MYRF: variants seen among roughly 807,000 people sequenced by gnomAD.
The protein encoded by MYRF is myelin regulatory factor, also known as myelin gene regulatory factor.
Under a neutral mutation model 126.3 loss-of-function variants are expected in MYRF, and 16 were observed. That is an observed-to-expected ratio of 0.13 (90% confidence interval 0.09 to 0.19). The LOEUF (loss-of-function observed/expected upper bound fraction) is 0.19, where lower values mean the gene tolerates loss of function less well. Ranked by LOEUF, MYRF falls within the 10% of genes least tolerant of loss-of-function variation. The pLI, the probability that MYRF is intolerant of heterozygous loss-of-function variation, is 1.00. For synonymous variants in MYRF, 608 were observed against 635.3 expected, an observed-to-expected ratio of 0.96 and a Z score of 0.65; for missense variants, 1,104 against 1,547.0, an observed-to-expected ratio of 0.71 and a Z score of 4.80.
Position 61,786,296 on chromosome 11 carries a change from C to T in MYRF, c.*153C>T, listed in dbSNP as rs912143186. On this transcript the variant is annotated 3_prime_UTR_variant, in exon 27 of 27. Transcript: ENST00000278836. This position sits in a 1 kb window ranked among gnomAD's most constrained non-coding sequence, Gnocchi z 4.5. ...ACTGGTGAAACTGGAAGTCTTCACA[C>T]TGGAGTTGCTGTTCCAGCTGGTCGC... is the stretch of plus-strand genomic sequence containing the variant. 4.1e-6 allele frequency: 3 copies of T among 725,080 alleles called. No individual in the cohort carries two copies. The highest frequency in any genetic ancestry group is 6.9e-6 in the Non-Finnish European group (3 of 432,202). 44.9% of individuals were successfully genotyped at this position (725,080 alleles called of 1,614,324 possible). A position where few individuals can be genotyped will look rare whatever the true frequency, so the allele number is the denominator to read the frequency against.
intron 1 of MYRF, among the ~76,000 whole-genome samples, chr11:61,761,082 A>AC (rs1425690292): frequency 1.3e-5 from 2 of 149,932 alleles, no homozygotes; most frequent in Non-Finnish European, 3.0e-5. Flanking sequence ...GGCCCACCCT[A>AC]CCCACAGCCA....
chr11:61,781,395 C>T, intron 21 of MYRF, 66 bp downstream of exon 21: 1 of 1,582,030 alleles, frequency 6.3e-7, no homozygotes, highest in Non-Finnish European at 8.6e-7. Context: ...GGCCCAAATA[C>T]TCATTGGTGG....
At chr11:61,767,058 G>T in intron 3 of MYRF, 1 of 456,676 alleles carries the variant, frequency 2.2e-6, no homozygotes, top group Non-Finnish European at 4.4e-6. Context: ...CAAGATTATC[G>T]TGGGAAGCAA....
At chr11:61,761,362 T>A (rs1316094959) in intron 1 of MYRF, among the ~76,000 whole-genome samples, 1 of 151,420 alleles carries the variant, frequency 6.6e-6, no homozygotes, top group Non-Finnish European at 1.5e-5. Context: ...CTGGCTTGGG[T>A]GCCCTCCGTT....
chr11:61,779,687 CTG>C (rs1197032392), intron 16 of MYRF, 117 bp downstream of exon 16: 16 of 1,225,342 alleles, frequency 1.3e-5, no homozygotes, highest in Non-Finnish European at 1.6e-5. Context: ...CCTTGTGACT[CTG>C]TAGCCCTCCC....
intron 1 of MYRF, among the ~76,000 whole-genome samples, chr11:61,765,217 C>A (rs2066021796): frequency 6.6e-6 from 1 of 152,246 alleles, no homozygotes; most frequent in Non-Finnish European, 1.5e-5. Context: ...ACCCACGGGG[C>A]TCTCGACTCA....
At position 61,777,825 on chromosome 11, in the gene MYRF, A is replaced by C. The variant is rs1280199753; in HGVS notation, c.1883A>C (p.Glu628Ala). ...GAGTTCGCCGCCAGCGCGGGCATCG[A>C]GGCCACCGCGCCAGAGACAGGTAGG... ...KPEFAASAGIEATAPETGVIA... is the reference protein window; with the variant it reads ...KPEFAASAGIAATAPETGVIA... Residue 628 changes from glutamate (E) to alanine (A), a missense_variant, in exon 13 of 27, where the codon GAG (glutamate) becomes GCG (alanine). Coordinates refer to ENST00000278836, the MANE Select transcript of MYRF (RefSeq NM_001127392.3). This position sits in a 1 kb window ranked among gnomAD's most constrained non-coding sequence, Gnocchi z 8.8. 1.3e-6 allele frequency: 2 copies of C among 1,552,098 alleles called. No individual in the cohort carries two copies. The highest frequency in any genetic ancestry group is 1.7e-6 in the Non-Finnish European group (2 of 1,147,492).
At chr11:61,759,406 A>C (rs1318258732) in intron 1 of MYRF, among the ~76,000 whole-genome samples, 1 of 152,226 alleles carries the variant, frequency 6.6e-6, no homozygotes, top group Non-Finnish European at 1.5e-5. Flanking sequence ...CCAGTGGCTC[A>C]TGCCTGTAAT....
chr11:61,781,367 T>C (rs1191570016), intron 21 of MYRF, 38 bp downstream of exon 21: 3 of 1,603,778 alleles, frequency 1.9e-6, no homozygotes, highest in Non-Finnish European at 1.7e-6. Context: ...GGGCGGGGGC[T>C]ACCTGCGTAG....
In MYRF at chr11:61,771,483, C is replaced by T. The variant is rs920156169; in HGVS notation, c.741-17C>T. 9 of 1,604,606 alleles carry T rather than the reference C, an allele frequency of 5.6e-6. No homozygotes were observed. The highest frequency in any genetic ancestry group is 7.7e-6 in the Non-Finnish European group (9 of 1,173,812). On this transcript the variant is annotated splice_polypyrimidine_tract_variant and intron_variant, in intron 5 of 26. Transcript: ENST00000278836. ...GGGGAGAGCCAGCCCCCACGGCGCA[C>T]ACTTCTGTTTCCCCAGGCTCCCTAC...
At chr11:61,771,122 C>T (rs924472919) in intron 5 of MYRF, among the ~76,000 whole-genome samples, 1 of 152,192 alleles carries the variant, frequency 6.6e-6, no homozygotes, top group Non-Finnish European at 1.5e-5. Flanking sequence ...GATCACAGGG[C>T]CTGCTCTCCA....
Position 61,787,354 on chromosome 11 carries a change from C to G in MYRF, c.*1211C>G, listed in dbSNP as rs983761983. ...GCCACCTTCAAGTTTCTTAGTGGTG[C>G]CTGGTGCATTCCGAGGCTACATCCA... On this transcript the variant is annotated 3_prime_UTR_variant, in exon 27 of 27. Coordinates refer to ENST00000278836, the MANE Select transcript of MYRF (RefSeq NM_001127392.3). 6.6e-6 allele frequency: 1 copy of G among 152,200 alleles called. No homozygotes were observed. The highest frequency in any genetic ancestry group is 2.4e-5 in the African/African-American group (1 of 41,382). The allele number at this position is 152,200 out of a possible 1,614,324, so 9.4% of individuals were successfully genotyped here. A position where few individuals can be genotyped will look rare whatever the true frequency, so the allele number is the denominator to read the frequency against.
Position 61,779,395 on chromosome 11 carries a change from A to C in MYRF, c.2146A>C (p.Lys716Gln), listed in dbSNP as rs2066479411. 6 of 1,551,158 alleles carry C rather than the reference A, an allele frequency of 3.9e-6. No homozygotes were observed. The highest frequency in any genetic ancestry group is 2.0e-5 in the Admixed American group (1 of 50,976). The change falls in exon 15 of 27, where the codon AAG (lysine) becomes CAG (glutamine). Residue 716 changes from lysine (K) to glutamine (Q), a missense_variant. Transcript: ENST00000278836. ...CAAGCTGCGGCGGCTCGACAGCCTCAAGTCCACCGGCAGCTCGGGCGCCTT... is the reference window on the plus strand; with the variant it reads ...CAAGCTGCGGCGGCTCGACAGCCTCCAGTCCACCGGCAGCTCGGGCGCCTT... ...LAKLRRLDSLKSTGSSGAFSH... is the reference protein window; with the variant it reads ...LAKLRRLDSLQSTGSSGAFSH...
intron 17 of MYRF, 83 bp downstream of exon 17, chr11:61,780,013 C>T: frequency 1.5e-6 from 2 of 1,352,502 alleles, no homozygotes; most frequent in Non-Finnish European, 2.1e-6. Context: ...GGGCTCAGGC[C>T]TGGGGGAAGA....
rs1443102662 is a variant in MYRF, at chr11:61,777,626, G to T, written c.1792-108G>T. ...TCCCGATCTAACCACTCCAGTGGTG[G>T]GGTCTCCTCTCCACACTGCAGCCTC... On this transcript the variant is annotated intron_variant, in intron 12 of 26. Transcript: ENST00000278836. The surrounding 1 kb of genome is among the most constrained non-coding windows in gnomAD (Gnocchi z 8.8). 1 of 1,292,222 alleles carries T rather than the reference G, an allele frequency of 7.7e-7. No individual in the cohort carries two copies. Among genetic ancestry groups the T allele is most frequent in the African/African-American group, 1.5e-5 (1 of 67,760 alleles). The allele number at this position is 1,292,222 out of a possible 1,614,324, so 80.0% of individuals were successfully genotyped here.
chr11:61,762,393 G>A (rs1411475816), intron 1 of MYRF, among the ~76,000 whole-genome samples: 1 of 152,320 alleles, frequency 6.6e-6, no homozygotes, highest in East Asian at 1.9e-4. Context: ...TTGGGCCCTG[G>A]GCAGCCTCGG....
chr11:61,786,451 C>G lies in MYRF; in HGVS notation c.*308C>G, dbSNP rs1266720522. 1 of 418,338 alleles carries G rather than the reference C, an allele frequency of 2.4e-6. No individual in the cohort carries two copies. Among genetic ancestry groups the G allele is most frequent in the Non-Finnish European group, 4.4e-6 (1 of 226,044 alleles). 25.9% of individuals were successfully genotyped at this position (418,338 alleles called of 1,614,324 possible). ...GGTGGTTGGAGGGCTGGTTCAGGTG[C>G]CCTGGAGGGAAGGGGAAGCCTGTGG... On this transcript the variant is annotated 3_prime_UTR_variant, in exon 27 of 27. Transcript: ENST00000278836. The surrounding 1 kb of genome is among the most constrained non-coding windows in gnomAD (Gnocchi z 4.5).
At chr11:61,760,080 T>C (rs1173489062) in intron 1 of MYRF, among the ~76,000 whole-genome samples, 2 of 152,010 alleles carry the variant, frequency 1.3e-5, no homozygotes, top group Non-Finnish European at 2.9e-5. Flanking sequence ...GTGATTCTCC[T>C]GCCTCAGCCT....
At position 61,770,352 on chromosome 11, in the gene MYRF, GCCACCCCCA is replaced by G. The variant is rs1249102741; in HGVS notation, c.579_587del (p.Pro194_Pro196del). On this transcript the variant is annotated inframe_deletion, in exon 5 of 27. Coordinates refer to ENST00000278836, the MANE Select transcript of MYRF (RefSeq NM_001127392.3). Reference sequence around the variant, plus strand: ...CTCCAGCCCACTTGCCAGGCCCCCCGCCACCCCCACCACCCCCACCTCACTACCCTGTCC... The same window carrying G: ...CTCCAGCCCACTTGCCAGGCCCCCCGCCACCCCCACCTCACTACCCTGTCC... 4.6e-5 allele frequency: 11 copies of G among 240,560 alleles called. No homozygotes were observed. Among genetic ancestry groups the G allele is most frequent in the Non-Finnish European group, 5.4e-5 (9 of 165,616 alleles). The allele number at this position is 240,560 out of a possible 1,614,324, so 14.9% of individuals were successfully genotyped here.
Sources: allele counts gnomAD v4.1 joint callset (sites outside exome capture counted in the v4.1 genomes callset), GRCh38; gene constraint gnomAD v4.1.1; non-coding constraint Gnocchi (gnomAD v3.1); transcripts MANE v1.5; gene names NCBI Gene and HGNC (gene_info 2026-07-23, HGNC 2026-07-21).